COL21A1: variants seen among roughly 807,000 people sequenced by gnomAD.
The protein encoded by COL21A1 is collagen type XXI alpha 1 chain.
COL21A1 carries 149 observed loss-of-function variants against 137.9 expected under a neutral mutation model. That is an observed-to-expected ratio of 1.08 (90% CI 0.95 to 1.24). COL21A1 has a LOEUF of 1.24. Among genes scored for constraint, COL21A1 ranks in the 50% most tolerant of loss-of-function variants. The pLI is 0.00. For synonymous variants in COL21A1, 456 were observed against 391.5 expected, an observed-to-expected ratio of 1.16 and a Z score of -1.95; for missense variants, 1,167 against 1,158.4, an observed-to-expected ratio of 1.01 and a Z score of -0.11.
At chr6:56,196,875 A>G (rs1287640122) in intron 1 of COL21A1, among the ~76,000 whole-genome samples, 3 of 152,100 alleles carry the variant, frequency 2.0e-5, no homozygotes, top group Non-Finnish European at 4.4e-5. Flanking sequence ...AAATAGAAAA[A>G]TTAAGTCCTA....
chr6:56,111,043 A>G (rs1771383194), intron 16 of COL21A1, among the ~76,000 whole-genome samples: 1 of 152,076 alleles, frequency 6.6e-6, no homozygotes, highest in South Asian at 2.1e-4. Context: ...GCTTGTAAAT[A>G]CTATAAAACA....
Position 56,309,591 on chromosome 6 carries a change from CA to C in COL21A1, c.-39+84379del, listed in dbSNP as rs1278795407. ...TCTATTGTTGGATGTGAGGTACTCC[CA>C]GGGGGGCAGTGACTATGAGCCAGGT... On this transcript the variant is annotated intron_variant, in intron 1 of 28. Coordinates refer to the COL21A1 transcript ENST00000370819. Among the ~76,000 whole-genome samples the C allele has an allele frequency of 2.6e-5, 4 of 152,090 alleles. No homozygotes were observed. In the South Asian group the frequency reaches 6.2e-4, roughly 24 times the overall value.
At chr6:56,361,516 A>G (rs1192534390) in intron 1 of COL21A1, among the ~76,000 whole-genome samples, 2 of 152,178 alleles carry the variant, frequency 1.3e-5, no homozygotes, top group African/African-American at 4.8e-5. Flanking sequence ...CCTGTTTGAA[A>G]TGATGTAGAA....
rs1925184 is a variant in COL21A1 at position 56,168,308 on chromosome 6, A to G, written c.1027-11T>C. ...TTCATCAAACAACGTCTACAAAAAG[A>G]AAGTGTGGAAGATTCATAAATAAAG... On this transcript the variant is annotated splice_polypyrimidine_tract_variant and intron_variant, in intron 5 of 29. Coordinates refer to ENST00000244728, the MANE Select transcript of COL21A1 (RefSeq NM_030820.4). 1.6e-3 allele frequency: 2,444 copies of G among 1,522,210 alleles called. 33 individuals are homozygous for G. In the African/African-American group the frequency reaches 0.031, roughly 20 times the overall value. The allele number at this position is 1,522,210 out of a possible 1,614,324, so 94.3% of individuals were successfully genotyped here. A position where few individuals can be genotyped will look rare whatever the true frequency, so the allele number is the denominator to read the frequency against.
intron 16 of COL21A1, among the ~76,000 whole-genome samples, chr6:56,118,780 G>A (rs1158335881): frequency 1.3e-5 from 2 of 151,962 alleles, no homozygotes; most frequent in African/African-American, 4.8e-5. Context: ...TTAAATGTAT[G>A]CAAATCAATC....
chr6:56,393,986 A>C (rs947331936), exon 1 of COL21A1: 2 of 152,266 alleles, frequency 1.3e-5, no homozygotes, highest in Non-Finnish European at 2.9e-5. Context: ...TGGGAACCTC[A>C]CAGAAGTCGG....
intron 1 of COL21A1, among the ~76,000 whole-genome samples, chr6:56,323,148 C>G (rs1432017413): frequency 1.3e-5 from 2 of 151,982 alleles, no homozygotes; most frequent in Non-Finnish European, 2.9e-5. Flanking sequence ...AACATGTATC[C>G]TTTGAATTTA....
At chr6:56,309,059 T>C (rs538590889) in intron 1 of COL21A1, among the ~76,000 whole-genome samples, 42 of 136,556 alleles carry the variant, frequency 3.1e-4, no homozygotes, top group Admixed American at 1.0e-3. Flanking sequence ...TTTTTTTTTT[T>C]CCCCGAGACA....
intron 1 of COL21A1, among the ~76,000 whole-genome samples, chr6:56,363,584 T>C (rs571186354): frequency 3.3e-5 from 5 of 152,348 alleles, no homozygotes; most frequent in African/African-American, 1.2e-4. Context: ...ATTTGCTTCA[T>C]CCAGAGATAA....
intron 1 of COL21A1, among the ~76,000 whole-genome samples, chr6:56,266,140 A>G (rs1219006496): frequency 1.3e-5 from 2 of 152,256 alleles, no homozygotes; most frequent in Non-Finnish European, 2.9e-5. Flanking sequence ...TGATGACAAA[A>G]GACAGTGAAT....
chr6:56,382,497 A>G (rs538507924), intron 1 of COL21A1, among the ~76,000 whole-genome samples: 3 of 152,234 alleles, frequency 2.0e-5, no homozygotes, highest in East Asian at 1.9e-4. Context: ...CCAAAAATTC[A>G]TAGGTTGAAG....
At chr6:56,272,202 G>T (rs1274197252) in intron 1 of COL21A1, among the ~76,000 whole-genome samples, 1 of 152,220 alleles carries the variant, frequency 6.6e-6, no homozygotes, top group African/African-American at 2.4e-5. Context: ...GCAGTCACAG[G>T]GGCAGAGCTG....
chr6:56,345,623 C>T (rs1405548628), intron 1 of COL21A1, among the ~76,000 whole-genome samples: 1 of 152,212 alleles, frequency 6.6e-6, no homozygotes, highest in Non-Finnish European at 1.5e-5. Flanking sequence ...CTGATCGCTA[C>T]ATCTTCCTGG....
intron 10 of COL21A1, among the ~76,000 whole-genome samples, chr6:56,144,962 T>C (rs1774722813): frequency 6.6e-6 from 1 of 152,130 alleles, no homozygotes. Flanking sequence ...ACAAATGGAG[T>C]CACAGGTGAA....
In COL21A1 at chr6:56,292,098, C is replaced by T. The variant is rs564910858; in HGVS notation, c.-39+101873G>A. On this transcript the variant is annotated intron_variant, in intron 1 of 28. Transcript: ENST00000370819. Reference sequence around the variant, plus strand: ...GCAGGAGAATAGCTTGAACCCGGGACGTGGAGGTTGCAGTGAGCTGAGATC... The same window carrying T: ...GCAGGAGAATAGCTTGAACCCGGGATGTGGAGGTTGCAGTGAGCTGAGATC... Among the ~76,000 whole-genome samples the T allele has an allele frequency of 3.6e-4, 54 of 152,002 alleles. No homozygotes were observed. In the East Asian group the frequency reaches 5.0e-3, roughly 14 times the overall value.
intron 3 of COL21A1, among the ~76,000 whole-genome samples, chr6:56,175,789 T>G (rs1280886807): frequency 6.6e-6 from 1 of 152,102 alleles, no homozygotes; most frequent in Non-Finnish European, 1.5e-5. Flanking sequence ...TTCCTAAAAT[T>G]TATATGAAAC....
intron 10 of COL21A1, among the ~76,000 whole-genome samples, chr6:56,152,027 G>A (rs1214363526): frequency 1.3e-5 from 2 of 152,206 alleles, no homozygotes; most frequent in Non-Finnish European, 2.9e-5. Context: ...TCCTACTGCT[G>A]CTATAACAAA....
intron 1 of COL21A1, among the ~76,000 whole-genome samples, chr6:56,272,580 A>C (rs571266084): frequency 5.9e-5 from 9 of 152,136 alleles, no homozygotes; most frequent in Non-Finnish European, 1.3e-4. Flanking sequence ...GGGAGGGGCC[A>C]GGGGTGTAAT....
intron 1 of COL21A1, among the ~76,000 whole-genome samples, chr6:56,278,521 T>C (rs1358931375): frequency 2.0e-5 from 3 of 152,240 alleles, no homozygotes; most frequent in African/African-American, 7.2e-5. Flanking sequence ...AGTCTTCATA[T>C]GGCCCAAGAC....
Sources: gnomAD v4.1 joint callset for allele counts (sites outside exome capture counted in the v4.1 genomes callset) on GRCh38, gnomAD v4.1.1 for gene constraint, MANE v1.5 for transcripts, NCBI Gene and HGNC (gene_info 2026-07-23, HGNC 2026-07-21) for gene names.